The following PIP4K2A variants were observed in gnomAD, a reference collection of about 807,000 sequenced individuals.
PIP4K2A encodes the protein phosphatidylinositol-5-phosphate 4-kinase type 2 alpha.
A neutral mutation model predicts 42.9 loss-of-function variants in PIP4K2A; 14 were observed. The observed-to-expected ratio is 0.33, with a 90% CI of 0.22 to 0.51. PIP4K2A has a LOEUF of 0.51. Ranked by LOEUF, PIP4K2A falls within the 20% of genes least tolerant of loss-of-function variation. The probability of loss-of-function intolerance (pLI) is 0.97; values close to 1 mark genes in which losing one functional copy is unlikely to be tolerated. For synonymous variants in PIP4K2A, 192 were observed against 192.2 expected (o/e 1.00, Z 0.01); for missense variants, 434 against 519.8 (o/e 0.83, Z 1.61).
At chr10:22,684,429 G>T (rs576993949) in intron 1 of PIP4K2A, among the ~76,000 whole-genome samples, 9 of 152,210 alleles carry the variant, frequency 5.9e-5, no homozygotes, top group Non-Finnish European at 8.8e-5. Flanking sequence ...TCTGCCAAAA[G>T]CTAACACACA....
chr10:22,673,876 T>C (rs1256194321), intron 1 of PIP4K2A, among the ~76,000 whole-genome samples: 1 of 152,238 alleles, frequency 6.6e-6, no homozygotes, highest in Non-Finnish European at 1.5e-5. Context: ...CTCATTTCTA[T>C]GGTTAATTAT....
chr10:22,714,032 CG>C, intron 1 of PIP4K2A, 150 bp downstream of exon 1: 2 of 768,472 alleles, frequency 2.6e-6, no homozygotes, highest in Non-Finnish European at 4.0e-6. Context: ...GCACGCGCCG[CG>C]GGGCTGGGGG....
chr10:22,574,444 GTT>G (rs765734098), intron 4 of PIP4K2A, among the ~76,000 whole-genome samples: 39 of 142,364 alleles, frequency 2.7e-4, no homozygotes, highest in Admixed American at 1.4e-3. Flanking sequence ...TTCATTTTCT[GTT>G]TTTTTTTTTT....
At chr10:22,580,331 T>C (rs986290910) in intron 4 of PIP4K2A, among the ~76,000 whole-genome samples, 1 of 151,930 alleles carries the variant, frequency 6.6e-6, no homozygotes, top group Non-Finnish European at 1.5e-5. Context: ...ATTAACAAAA[T>C]AACTTGTAAG....
At chr10:22,607,415 G>T (rs986380591) in intron 3 of PIP4K2A, among the ~76,000 whole-genome samples, 2 of 152,176 alleles carry the variant, frequency 1.3e-5, no homozygotes, top group Admixed American at 1.3e-4. Context: ...GCTGACCACA[G>T]TGCTATGGTC....
intron 1 of PIP4K2A, among the ~76,000 whole-genome samples, chr10:22,706,097 C>T (rs1564473455): frequency 6.6e-6 from 1 of 152,028 alleles, no homozygotes. Flanking sequence ...AAACTGCCCC[C>T]ATGATTCAAT....
chr10:22,578,493 G>T (rs1317583256), intron 4 of PIP4K2A, among the ~76,000 whole-genome samples: 1 of 152,122 alleles, frequency 6.6e-6, no homozygotes, highest in African/African-American at 2.4e-5. Flanking sequence ...CTTCTGAGAC[G>T]CTGTGTTCTC....
intron 1 of PIP4K2A, among the ~76,000 whole-genome samples, chr10:22,667,514 A>C (rs1839371687): frequency 3.3e-5 from 5 of 152,224 alleles, no homozygotes. Context: ...ATTCTTCAAC[A>C]AACTGAAGAT....
At chr10:22,562,561 AAC>A (rs1836738776) in intron 6 of PIP4K2A, among the ~76,000 whole-genome samples, 1 of 152,194 alleles carries the variant, frequency 6.6e-6, no homozygotes, top group African/African-American at 2.4e-5. Flanking sequence ...AAAAAAACAA[AAC>A]AGTTTGGCTC....
At chr10:22,619,733 A>G (rs1257021002) in intron 1 of PIP4K2A, among the ~76,000 whole-genome samples, 1 of 152,172 alleles carries the variant, frequency 6.6e-6, no homozygotes, top group Non-Finnish European at 1.5e-5. Flanking sequence ...CAACACGCCC[A>G]GCTAATATTC....
rs1836016796 is a variant in PIP4K2A, at chr10:22,539,125, G to A, written c.1140+846C>T. ...ATACAAGCCTGAAACTTGGCGAGCT[G>A]TAAAGTTCAGCCAGGCAGGAGGTGT... On this transcript the variant is annotated intron_variant, in intron 9 of 9. Transcript: ENST00000376573. 2.0e-5 allele frequency among the ~76,000 whole-genome samples: 3 copies of A among 152,166 alleles called. No individual in the cohort carries two copies. The South Asian group carries it at 6.2e-4, about 32-fold the overall frequency.
chr10:22,591,581 C>T lies in PIP4K2A; in HGVS notation c.492+48G>A, dbSNP rs568795302. ...CTCTGGCCTTGGTGAGAAATCGCTA[C>T]GCATGTTAATCTTCTTGGAGTTTCA... On this transcript the variant is annotated intron_variant, in intron 4 of 9. Transcript: ENST00000376573. 18 of 1,427,414 alleles carry T rather than the reference C, an allele frequency of 1.3e-5. No homozygotes were observed. In the South Asian group the frequency reaches 1.3e-4, roughly 10 times the overall value. 88.4% of individuals were successfully genotyped at this position (1,427,414 alleles called of 1,614,324 possible). A position where few individuals can be genotyped will look rare whatever the true frequency, so the allele number is the denominator to read the frequency against.
intron 1 of PIP4K2A, among the ~76,000 whole-genome samples, chr10:22,700,722 T>C (rs1359554644): frequency 2.0e-5 from 3 of 152,262 alleles, no homozygotes; most frequent in Non-Finnish European, 4.4e-5. Context: ...CATTCTCGGG[T>C]TGACTAATAC....
Position 22,633,380 on chromosome 10 carries a change from G to A in PIP4K2A, c.145-23663C>T, listed in dbSNP as rs576155022. Among the ~76,000 whole-genome samples, 7 of 152,310 alleles carry A rather than the reference G, an allele frequency of 4.6e-5. No homozygotes were observed. The East Asian group carries it at 1.3e-3, about 29-fold the overall frequency. The stretch of plus-strand genomic sequence containing the variant: ...TAAACAAACACACAGCCTTTCTGTA[G>A]AACACACTCACTTTCTGTAAGTCTA... On this transcript the variant is annotated intron_variant, in intron 1 of 9. Coordinates refer to ENST00000376573, the MANE Select transcript of PIP4K2A (RefSeq NM_005028.5).
chr10:22,608,027 A>C lies in PIP4K2A; in HGVS notation c.243-4T>G, dbSNP rs374675425. On this transcript the variant is annotated splice_polypyrimidine_tract_variant and splice_region_variant and intron_variant, in intron 2 of 9. Transcript: ENST00000376573. ...GAAATGGCTCGGCATGTTTTCTCTG[A>C]AACAGTCACAGCGTGGAATAAAGCT... The C allele has an allele frequency of 6.3e-7, 1 of 1,586,342 alleles. No individual in the cohort carries two copies. Among genetic ancestry groups the C allele is most frequent in the Non-Finnish European group, 8.7e-7 (1 of 1,155,390 alleles).
chr10:22,535,341 A>C lies in PIP4K2A; in HGVS notation c.*1860T>G, dbSNP rs1170432178. ...GTATGGATTACTTTAAATACATAAA[A>C]GATGAATCTGTACACTACGTGACAG... On this transcript the variant is annotated 3_prime_UTR_variant, in exon 10 of 10. Coordinates refer to ENST00000376573, the MANE Select transcript of PIP4K2A (RefSeq NM_005028.5). 1.3e-5 allele frequency: 2 copies of C among 152,258 alleles called. No homozygotes were observed. Among genetic ancestry groups the C allele is most frequent in the African/African-American group, 2.4e-5 (1 of 41,454 alleles). The allele number at this position is 152,258 out of a possible 1,614,324, so 9.4% of individuals were successfully genotyped here. A position where few individuals can be genotyped will look rare whatever the true frequency, so the allele number is the denominator to read the frequency against.
intron 1 of PIP4K2A, among the ~76,000 whole-genome samples, chr10:22,641,119 C>T (rs1156809625): frequency 1.3e-5 from 2 of 152,112 alleles, no homozygotes; most frequent in African/African-American, 4.8e-5. Flanking sequence ...CTATTATATC[C>T]TATGACATAT....
chr10:22,611,470 T>C (rs1439646803), intron 1 of PIP4K2A, among the ~76,000 whole-genome samples: 1 of 148,932 alleles, frequency 6.7e-6, no homozygotes, highest in African/African-American at 2.5e-5. Context: ...GTAAGAATAC[T>C]CAAAGCATAC....
chr10:22,702,605 A>G (rs570798915), intron 1 of PIP4K2A, among the ~76,000 whole-genome samples: 1 of 152,330 alleles, frequency 6.6e-6, no homozygotes, highest in South Asian at 2.1e-4. Flanking sequence ...ACTGGCTTGC[A>G]GTTACCCCAT....
Sources: allele counts gnomAD v4.1 joint callset (sites outside exome capture counted in the v4.1 genomes callset), GRCh38; gene constraint gnomAD v4.1.1; transcripts MANE v1.5; gene names NCBI Gene and HGNC (gene_info 2026-07-23, HGNC 2026-07-21).